Variants in ZFPM2 observed in about 807,000 individuals in gnomAD.
ZFPM2 encodes the protein zinc finger protein, FOG family member 2.
ZFPM2 carries 20 observed loss-of-function variants against 98.6 expected under a neutral mutation model. The ratio of observed to expected loss-of-function variants is 0.20; its 90% CI spans 0.14 to 0.29. The LOEUF is 0.29. ZFPM2 is among the 10% of genes least tolerant of loss of function. The pLI is 1.00. For missense variants in ZFPM2, 1,310 were observed against 1,388.6 expected (o/e 0.94, Z 0.90); for synonymous variants, 518 against 502.7 (o/e 1.03, Z -0.41).
intron 4 of ZFPM2, among the ~76,000 whole-genome samples, chr8:105,571,123 C>T (rs995696262): frequency 5.3e-5 from 8 of 152,110 alleles, no homozygotes; most frequent in Non-Finnish European, 7.3e-5. Context: ...CACAGAGGAT[C>T]GGTGTGAAGG....
At chr8:105,621,384 G>A (rs1273607364) in intron 4 of ZFPM2, among the ~76,000 whole-genome samples, 3 of 152,302 alleles carry the variant, frequency 2.0e-5, no homozygotes, top group Middle Eastern at 3.4e-3. Context: ...TTTGTATCGT[G>A]AGACTTTGCT....
At chr8:105,412,811 T>C (rs1328819908) in intron 1 of ZFPM2, among the ~76,000 whole-genome samples, 1 of 151,750 alleles carries the variant, frequency 6.6e-6, no homozygotes, top group Non-Finnish European at 1.5e-5. Context: ...CTGTGGGATA[T>C]GCATGAGACA....
At chr8:105,666,011 TATTA>T (rs1232979590) in intron 5 of ZFPM2, among the ~76,000 whole-genome samples, 4 of 152,330 alleles carry the variant, frequency 2.6e-5, no homozygotes, top group East Asian at 1.9e-4. Flanking sequence ...AAGTGAATTG[TATTA>T]ATTGTTATTT....
chr8:105,777,081 T>A (rs1411687062), intron 5 of ZFPM2, among the ~76,000 whole-genome samples: 1 of 152,178 alleles, frequency 6.6e-6, no homozygotes, highest in African/African-American at 2.4e-5. Flanking sequence ...AAGTTTGTAA[T>A]TTTAAAGTTG....
chr8:105,695,522 T>C (rs957148397), intron 5 of ZFPM2, among the ~76,000 whole-genome samples: 6 of 152,076 alleles, frequency 3.9e-5, no homozygotes, highest in African/African-American at 1.4e-4. Flanking sequence ...AGCTCTGAAG[T>C]TGATGTTTAG....
At chr8:105,429,806 A>G (rs925417381) in intron 2 of ZFPM2, among the ~76,000 whole-genome samples, 7 of 152,116 alleles carry the variant, frequency 4.6e-5, no homozygotes, top group African/African-American at 1.7e-4. Context: ...GTGACTTTTA[A>G]GGTGCCCCTA....
chr8:105,695,378 A>ATTTTTTTTTTTT (rs1165726984), intron 5 of ZFPM2, among the ~76,000 whole-genome samples: 1 of 74,842 alleles, frequency 1.3e-5, no homozygotes, highest in Admixed American at 1.5e-4. Flanking sequence ...AATGGTTTGT[A>ATTTTTTTTTTTT]TTTTTTTTTT....
intron 4 of ZFPM2, among the ~76,000 whole-genome samples, chr8:105,614,814 C>T (rs1816380222): frequency 6.6e-6 from 1 of 152,044 alleles, no homozygotes; most frequent in African/African-American, 2.4e-5. Flanking sequence ...TATGTTTAGT[C>T]TATTCACAGC....
At chr8:105,630,114 A>G (rs1456182186) in intron 4 of ZFPM2, among the ~76,000 whole-genome samples, 3 of 152,120 alleles carry the variant, frequency 2.0e-5, no homozygotes, top group Admixed American at 6.5e-5. Context: ...AATTGTACCC[A>G]TTGTAGAGTA....
chr8:105,352,509 A>G (rs982271249), intron 1 of ZFPM2, among the ~76,000 whole-genome samples: 3 of 152,156 alleles, frequency 2.0e-5, no homozygotes, highest in Admixed American at 2.0e-4. Flanking sequence ...AAAAGAGTCC[A>G]GAACATCCTC....
intron 5 of ZFPM2, among the ~76,000 whole-genome samples, chr8:105,647,919 T>C (rs1266927497): frequency 6.6e-6 from 1 of 152,172 alleles, no homozygotes; most frequent in Non-Finnish European, 1.5e-5. Flanking sequence ...GGTCAAATGG[T>C]ATTTCTAGTT....
rs191728040 is a variant in ZFPM2 at position 105,785,587 on chromosome 8, C to A, written c.533-3131C>A. Among the ~76,000 whole-genome samples the A allele has an allele frequency of 9.8e-4, 149 of 152,262 alleles. 1 individual carries two copies. The highest frequency in any genetic ancestry group is 1.1e-3 in the Non-Finnish European group (77 of 68,018). On this transcript the variant is annotated intron_variant, in intron 5 of 7. Transcript: ENST00000407775. Reference sequence around the variant, plus strand: ...GATTAAAATAGATGAATTACATAAACCACTTAGCTTATCAGGCCCAAAGAA... The same window carrying A: ...GATTAAAATAGATGAATTACATAAAACACTTAGCTTATCAGGCCCAAAGAA...
rs188529246 is a variant in ZFPM2 at position 105,334,860 on chromosome 8, T to C, written c.40+15879T>C. On this transcript the variant is annotated intron_variant, in intron 1 of 7. Coordinates refer to ENST00000407775, the MANE Select transcript of ZFPM2 (RefSeq NM_012082.4). ...TACCTTATTAAGGATTTTTTTATCC[T>C]TGAAAGTCTTCCAAGCTATCTCAAG... Among the ~76,000 whole-genome samples the C allele has an allele frequency of 7.2e-5, 11 of 151,808 alleles. No homozygotes were observed. The East Asian group carries it at 2.1e-3, about 30-fold the overall frequency.
intron 2 of ZFPM2, among the ~76,000 whole-genome samples, chr8:105,423,626 T>G (rs1811846843): frequency 6.6e-6 from 1 of 152,186 alleles, no homozygotes; most frequent in Non-Finnish European, 1.5e-5. Flanking sequence ...GGTACTGAAA[T>G]TTTCGTTTCA....
chr8:105,346,893 C>G (rs924615297), intron 1 of ZFPM2, among the ~76,000 whole-genome samples: 4 of 152,176 alleles, frequency 2.6e-5, no homozygotes, highest in Non-Finnish European at 5.9e-5. Context: ...AGCTCTGGCA[C>G]ATTAGCACTC....
At chr8:105,778,510 G>A (rs1462092842) in intron 5 of ZFPM2, among the ~76,000 whole-genome samples, 8 of 151,884 alleles carry the variant, frequency 5.3e-5, no homozygotes, top group South Asian at 2.1e-4. Flanking sequence ...GTGTGTGTGC[G>A]TGTGTGTGTT....
rs576110353 is a variant in ZFPM2, at chr8:105,570,888, A to G, written c.420+9407A>G. Among the ~76,000 whole-genome samples the G allele has an allele frequency of 3.9e-5, 6 of 152,312 alleles. No individual in the cohort carries two copies. In the East Asian group the frequency reaches 1.2e-3, roughly 29 times the overall value. ...TTTACCCTTAGTTAGGCCAAGTTTG[A>G]ACTTTTAAAAAGAATTATTTTTACA... On this transcript the variant is annotated intron_variant, in intron 4 of 7. Coordinates refer to ENST00000407775, the MANE Select transcript of ZFPM2 (RefSeq NM_012082.4).
In ZFPM2 at chr8:105,627,208, G is replaced by A. The variant is rs1240669675; in HGVS notation, c.421-7038G>A. 1.4e-4 allele frequency among the ~76,000 whole-genome samples: 22 copies of A among 152,132 alleles called. 1 individual carries two copies. ...CTTTGTCGGTCCAGTAACTCTAAAGGTTAGTGAGAAGTGGATGCTAGTCTG... is the reference window on the plus strand; with the variant it reads ...CTTTGTCGGTCCAGTAACTCTAAAGATTAGTGAGAAGTGGATGCTAGTCTG... On this transcript the variant is annotated intron_variant, in intron 4 of 7. Coordinates refer to ENST00000407775, the MANE Select transcript of ZFPM2 (RefSeq NM_012082.4).
At chr8:105,775,138 T>C (rs561003228) in intron 5 of ZFPM2, among the ~76,000 whole-genome samples, 1 of 137,094 alleles carries the variant, frequency 7.3e-6, no homozygotes, top group African/African-American at 2.8e-5. Context: ...GACAAAGGAA[T>C]AGAGAGGTTC....
Sources: allele counts gnomAD v4.1 joint callset (sites outside exome capture counted in the v4.1 genomes callset), GRCh38; gene constraint gnomAD v4.1.1; transcripts MANE v1.5; gene names NCBI Gene and HGNC (gene_info 2026-07-23, HGNC 2026-07-21).